The following EMC3 variants were observed in gnomAD, a reference collection of about 807,000 sequenced individuals.
EMC3 encodes 30 kDa protein.
In EMC3, 13 loss-of-function variants were observed where a neutral mutation model predicts 36.6. The ratio of observed to expected loss-of-function variants is 0.35; its 90% CI spans 0.23 to 0.56. EMC3 has a LOEUF of 0.56. Among genes scored for constraint, EMC3 ranks in the 20% least tolerant of loss-of-function variants. The probability of loss-of-function intolerance (pLI) is 0.84; values close to 1 mark genes in which losing one functional copy is unlikely to be tolerated. For synonymous variants in EMC3, 120 were observed against 111.9 expected, an observed-to-expected ratio of 1.07 and a Z score of -0.46; for missense variants, 220 against 324.5, an observed-to-expected ratio of 0.68 and a Z score of 2.47.
chr3:9,979,171 C>T (rs546498241), intron 1 of EMC3, among the ~76,000 whole-genome samples: 1 of 152,268 alleles, frequency 6.6e-6, no homozygotes, highest in South Asian at 2.1e-4. Flanking sequence ...ACATTCTGCT[C>T]CCTGGATGCT....
At chr3:9,964,486 T>C (rs1559348209) in intron 7 of EMC3, among the ~76,000 whole-genome samples, 2 of 152,246 alleles carry the variant, frequency 1.3e-5, no homozygotes, top group African/African-American at 2.4e-5. Flanking sequence ...GTGGTCTGAC[T>C]GCAAAGTCCC....
chr3:9,967,628 A>G (rs1188961055), intron 7 of EMC3, among the ~76,000 whole-genome samples: 1 of 152,232 alleles, frequency 6.6e-6, no homozygotes, highest in East Asian at 1.9e-4. Context: ...GCTTTGTAAT[A>G]GGCTTTAAAA....
upstream of EMC3, chr3:9,986,854 T>TTGACG: frequency 1.5e-6 from 2 of 1,379,258 alleles, no homozygotes; most frequent in Non-Finnish European, 1.9e-6. Context: ...GGCGCGAACG[T>TTGACG]TGACGTCACG....
At chr3:9,969,376 T>G in intron 7 of EMC3, 1 of 1,149,080 alleles carries the variant, frequency 8.7e-7, no homozygotes, top group Non-Finnish European at 1.1e-6. Flanking sequence ...CTTAGTATTG[T>G]TTTTTTAATG....
upstream of EMC3, chr3:9,988,786 T>G (rs140029469): frequency 8.2e-3 from 10,063 of 1,227,354 alleles, 700 homozygotes; most frequent in African/African-American, 0.14. Context: ...TATTGCAGAC[T>G]TAAAAGTAAT....
chr3:9,974,299 GA>G, intron 4 of EMC3, 84 bp downstream of exon 4: 1 of 923,730 alleles, frequency 1.1e-6, no homozygotes, highest in South Asian at 1.5e-5. Context: ...GTTTACAAAA[GA>G]AAACACAGGA....
chr3:9,988,904 A>G (rs1239695078), upstream of EMC3, among the ~76,000 whole-genome samples: 2 of 151,364 alleles, frequency 1.3e-5, no homozygotes, highest in African/African-American at 4.9e-5. Context: ...GGGGAAGATA[A>G]TCTGAGGTGG....
chr3:9,982,765 T>A (rs906087071), intron 1 of EMC3, among the ~76,000 whole-genome samples: 1 of 151,766 alleles, frequency 6.6e-6, no homozygotes, highest in Non-Finnish European at 1.5e-5. Context: ...CACACGCTTA[T>A]AATCCCAGCT....
intron 5 of EMC3, among the ~76,000 whole-genome samples, chr3:9,971,077 C>T (rs888639385): frequency 6.6e-6 from 1 of 152,112 alleles, no homozygotes; most frequent in African/African-American, 2.4e-5. Context: ...CACACACCAC[C>T]ATGCCTGGCT....
rs371398584 is a variant in EMC3, at chr3:9,965,084, C to A, written c.658-887G>T. Among the ~76,000 whole-genome samples, 10 of 149,786 alleles carry A rather than the reference C, an allele frequency of 6.7e-5. 1 individual carries two copies. The East Asian group carries it at 9.7e-4, about 15-fold the overall frequency. On this transcript the variant is annotated intron_variant, in intron 7 of 7. Coordinates refer to ENST00000245046, the MANE Select transcript of EMC3 (RefSeq NM_001394674.1). ...TTAGATGAGCCTAGAGATAGTAATACCTCGTCTTTAAAAATAAATTAAAAA... is the reference window on the plus strand; with the variant it reads ...TTAGATGAGCCTAGAGATAGTAATAACTCGTCTTTAAAAATAAATTAAAAA...
chr3:9,975,743 C>T (rs1004928901), intron 3 of EMC3, among the ~76,000 whole-genome samples: 3 of 142,096 alleles, frequency 2.1e-5, no homozygotes, highest in Non-Finnish European at 3.0e-5. Context: ...ACCCGGGAGG[C>T]GGAGCCTGCA....
chr3:9,979,647 G>T (rs886190043), intron 1 of EMC3, among the ~76,000 whole-genome samples: 6 of 152,204 alleles, frequency 3.9e-5, no homozygotes, highest in African/African-American at 1.4e-4. Context: ...AGTCTAGTGA[G>T]GGGGAAAGAC....
chr3:10,007,240 G>C (rs1307654400), intron 1 of EMC3: 1 of 1,117,114 alleles, frequency 9.0e-7, no homozygotes, highest in Non-Finnish European at 1.2e-6. Flanking sequence ...GCAGGTGCAG[G>C]GTAGAGTCCC....
intron 1 of EMC3, among the ~76,000 whole-genome samples, chr3:10,000,440 G>C (rs1436404504): frequency 1.3e-5 from 2 of 152,154 alleles, no homozygotes; most frequent in South Asian, 2.1e-4. Flanking sequence ...GTGATACCAT[G>C]TTCTGAATTG....
intron 1 of EMC3, chr3:9,992,981 G>C: frequency 5.1e-6 from 8 of 1,581,874 alleles, no homozygotes; most frequent in Middle Eastern, 3.3e-4. Context: ...AAGAACAGCT[G>C]CTCCAGAGTA....
At chr3:9,993,969 A>G (rs1255991883) in intron 1 of EMC3, among the ~76,000 whole-genome samples, 1 of 152,308 alleles carries the variant, frequency 6.6e-6, no homozygotes, top group East Asian at 1.9e-4. Context: ...TTTGAGCTTA[A>G]CAGTCAATTA....
At chr3:9,973,185 GTTTT>G (rs199556467) in intron 5 of EMC3, among the ~76,000 whole-genome samples, 3 of 147,960 alleles carry the variant, frequency 2.0e-5, no homozygotes, top group African/African-American at 7.5e-5. Flanking sequence ...TTTTGTTTTC[GTTTT>G]TTGTTTGTTT....
In EMC3 at chr3:9,964,201, T is replaced by C. The variant is rs868032563; in HGVS notation, c.658-4A>G. The C allele has an allele frequency of 1.2e-6, 2 of 1,613,768 alleles. No individual in the cohort carries two copies. The highest frequency in any genetic ancestry group is 1.7e-4 in the Middle Eastern group (1 of 6,060). ...GCTCCAAAGCTTCCCACTCTGTCTGTAATGGAAGAGAACACCCAGGCAGGA... is the reference window on the plus strand; with the variant it reads ...GCTCCAAAGCTTCCCACTCTGTCTGCAATGGAAGAGAACACCCAGGCAGGA... On this transcript the variant is annotated splice_region_variant and splice_polypyrimidine_tract_variant and intron_variant, in intron 7 of 7. Transcript: ENST00000245046.
chr3:9,964,860 A>C (rs1267603803), intron 7 of EMC3, among the ~76,000 whole-genome samples: 2 of 152,190 alleles, frequency 1.3e-5, no homozygotes, highest in African/African-American at 4.8e-5. Context: ...AGCAGAAATA[A>C]ATTTGCAGAA....
Sources: gnomAD v4.1 joint callset for allele counts (sites outside exome capture counted in the v4.1 genomes callset) on GRCh38, gnomAD v4.1.1 for gene constraint, MANE v1.5 for transcripts, NCBI Gene and HGNC (gene_info 2026-07-23, HGNC 2026-07-21) for gene names.